Variants in KAZN observed in about 807,000 individuals in gnomAD.
KAZN encodes the protein kazrin, periplakin interacting protein.
KAZN carries 40 observed loss-of-function variants against 87.4 expected under a neutral mutation model. The observed-to-expected ratio is 0.46, with a 90% confidence interval of 0.36 to 0.60. KAZN has a LOEUF of 0.60. Ranked by LOEUF, KAZN falls within the 20% of genes least tolerant of loss-of-function variation. The probability of loss-of-function intolerance (pLI) is 0.00; values close to 1 mark genes in which losing one functional copy is unlikely to be tolerated. For missense variants in KAZN, 898 were observed against 1,073.9 expected (o/e 0.84, Z 2.29); for synonymous variants, 466 against 458.3 (o/e 1.02, Z -0.22).
intron 1 of KAZN, among the ~76,000 whole-genome samples, chr1:13,985,875 C>T (rs1317825825): frequency 6.6e-6 from 1 of 152,162 alleles, no homozygotes; most frequent in Non-Finnish European, 1.5e-5. Flanking sequence ...CTTTTAATTT[C>T]CAGATAATAT....
Position 15,045,037 on chromosome 1 carries a change from C to T in KAZN, c.726+878C>T, listed in dbSNP as rs112530921. ...CCTTTGTGTGTGGGGACAGAGGGTC[C>T]GGGTCGGGAGAGAGAGCCCTGGAGG... is the stretch of plus-strand genomic sequence containing the variant. On this transcript the variant is annotated intron_variant, in intron 4 of 14. Transcript: ENST00000376030. Among the ~76,000 whole-genome samples the T allele has an allele frequency of 8.5e-3, 1,299 of 152,252 alleles. 17 individuals are homozygous for T. The highest frequency in any genetic ancestry group is 0.028 in the African/African-American group (1,177 of 41,548).
chr1:14,696,372 AG>A (rs1641603257), intron 1 of KAZN, among the ~76,000 whole-genome samples: 1 of 152,182 alleles, frequency 6.6e-6, no homozygotes, highest in African/African-American at 2.4e-5. Flanking sequence ...TTCTGGGCAG[AG>A]GGGACAGTTT....
chr1:14,178,419 T>A (rs1646130240), intron 1 of KAZN, among the ~76,000 whole-genome samples: 1 of 152,266 alleles, frequency 6.6e-6, no homozygotes. Context: ...TTTATTGCTA[T>A]GATTTCAGGT....
At chr1:14,379,804 T>G (rs893024116) in intron 2 of KAZN, among the ~76,000 whole-genome samples, 1 of 152,194 alleles carries the variant, frequency 6.6e-6, no homozygotes, top group Non-Finnish European at 1.5e-5. Flanking sequence ...ACTGACCTAG[T>G]GCCTGGGGGA....
At chr1:14,316,134 T>A (rs1655643462) in intron 2 of KAZN, among the ~76,000 whole-genome samples, 1 of 152,058 alleles carries the variant, frequency 6.6e-6, no homozygotes, top group South Asian at 2.1e-4. Flanking sequence ...CATTTGAAAT[T>A]TCTGATGGCT....
intron 2 of KAZN, among the ~76,000 whole-genome samples, chr1:14,414,902 T>C (rs1347194803): frequency 9.9e-5 from 15 of 152,186 alleles, no homozygotes; most frequent in Non-Finnish European, 2.9e-5. Flanking sequence ...GGTGCACACC[T>C]GTAGCCCCAG....
chr1:15,085,418 C>G lies in KAZN; in HGVS notation c.1223-8762C>G, dbSNP rs544576543. ...TCTCGGCTCACTGCAACCTCCACCT[C>G]CCAGGTACAAGCGATTCTCCTGCCT... On this transcript the variant is annotated intron_variant, in intron 8 of 14. Transcript: ENST00000376030. Among the ~76,000 whole-genome samples the G allele has an allele frequency of 6.6e-5, 10 of 152,316 alleles. No individual in the cohort carries two copies. In the East Asian group the frequency reaches 1.9e-3, roughly 29 times the overall value.
At chr1:14,793,458 A>G (rs1645741287) in intron 1 of KAZN, among the ~76,000 whole-genome samples, 1 of 152,132 alleles carries the variant, frequency 6.6e-6, no homozygotes, top group Non-Finnish European at 1.5e-5. Context: ...TCAAACCCCA[A>G]CTCTACTAGC....
intron 1 of KAZN, among the ~76,000 whole-genome samples, chr1:14,044,182 C>A (rs1168107104): frequency 1.3e-5 from 2 of 152,128 alleles, no homozygotes; most frequent in Non-Finnish European, 2.9e-5. Flanking sequence ...TAATCACCCA[C>A]CAATACTGTG....
At chr1:15,078,186 G>A (rs567593765) in intron 8 of KAZN, among the ~76,000 whole-genome samples, 63 of 152,178 alleles carry the variant, frequency 4.1e-4, no homozygotes, top group African/African-American at 1.4e-3. Context: ...AGGCCAAGGT[G>A]GGCAGATTAC....
intron 2 of KAZN, among the ~76,000 whole-genome samples, chr1:14,406,471 A>AT (rs1213255386): frequency 4.6e-5 from 7 of 152,124 alleles, no homozygotes; most frequent in Non-Finnish European, 8.8e-5. Context: ...GTTCTCACTT[A>AT]TAAGTGGGAG....
intron 2 of KAZN, among the ~76,000 whole-genome samples, chr1:14,428,288 A>G (rs1665854900): frequency 6.6e-6 from 1 of 152,174 alleles, no homozygotes; most frequent in African/African-American, 2.4e-5. Context: ...GGGAGTACAT[A>G]TGGTGACCTG....
chr1:14,802,925 C>A (rs562507660), intron 1 of KAZN, among the ~76,000 whole-genome samples: 12 of 152,246 alleles, frequency 7.9e-5, no homozygotes, highest in African/African-American at 2.9e-4. Flanking sequence ...TGTCCCCAAC[C>A]CACAGAGGGG....
intron 2 of KAZN, among the ~76,000 whole-genome samples, chr1:15,002,308 T>C (rs550000510): frequency 1.3e-3 from 196 of 152,188 alleles, no homozygotes; most frequent in Admixed American, 2.7e-3. Context: ...ACAGGAGCAA[T>C]TGGTTGAGTT....
At chr1:14,388,010 C>A (rs1423871915) in intron 2 of KAZN, among the ~76,000 whole-genome samples, 1 of 152,250 alleles carries the variant, frequency 6.6e-6, no homozygotes, top group African/African-American at 2.4e-5. Flanking sequence ...GGGATATAAT[C>A]TCCTGGTGTG....
intron 2 of KAZN, among the ~76,000 whole-genome samples, chr1:14,314,395 A>C (rs1360519510): frequency 1.3e-5 from 2 of 152,102 alleles, no homozygotes; most frequent in African/African-American, 2.4e-5. Flanking sequence ...GATATACTTG[A>C]TCTGGCCCTG....
chr1:14,844,447 C>A (rs1648433366), intron 1 of KAZN, among the ~76,000 whole-genome samples: 1 of 152,162 alleles, frequency 6.6e-6, no homozygotes, highest in Non-Finnish European at 1.5e-5. Context: ...TTATGAACAG[C>A]AACTTTTGGA....
chr1:14,361,498 GA>G (rs1223678228), intron 2 of KAZN, among the ~76,000 whole-genome samples: 1 of 152,216 alleles, frequency 6.6e-6, no homozygotes, highest in Non-Finnish European at 1.5e-5. Flanking sequence ...ACTAGGGTAT[GA>G]AAAAAACTGC....
chr1:14,549,876 GT>G (rs1442125522), intron 2 of KAZN, among the ~76,000 whole-genome samples: 1 of 152,112 alleles, frequency 6.6e-6, no homozygotes, highest in East Asian at 1.9e-4. Flanking sequence ...CACCACTCTG[GT>G]TTTCTCTTTC....
Sources: gnomAD v4.1 joint callset for allele counts (sites outside exome capture counted in the v4.1 genomes callset) on GRCh38, gnomAD v4.1.1 for gene constraint, MANE v1.5 for transcripts, NCBI Gene and HGNC (gene_info 2026-07-23, HGNC 2026-07-21) for gene names.